ERLIN1: variants seen among roughly 807,000 people sequenced by gnomAD.
ERLIN1 encodes the protein erlin-1.
In ERLIN1, 24 loss-of-function variants were observed where a neutral mutation model predicts 46.9. The ratio of observed to expected loss-of-function variants is 0.51; its 90% CI spans 0.37 to 0.72. The LOEUF (loss-of-function observed/expected upper bound fraction) is 0.72. Ranked by LOEUF, ERLIN1 falls within the 30% of genes least tolerant of loss-of-function variation. ERLIN1 has a pLI of 0.00. For synonymous variants in ERLIN1, 158 were observed against 143.2 expected, an observed-to-expected ratio of 1.10 and a Z score of -0.74; for missense variants, 293 against 417.9, an observed-to-expected ratio of 0.70 and a Z score of 2.61.
intron 9 of ERLIN1, among the ~76,000 whole-genome samples, chr10:100,155,310 T>C (rs1843014877): frequency 6.6e-6 from 1 of 151,682 alleles, no homozygotes; most frequent in South Asian, 2.1e-4. Flanking sequence ...CCAAATTTCA[T>C]CCAGAATCAG....
At position 100,151,590 on chromosome 10, in the gene ERLIN1, G is replaced by C. The variant is rs77043399; in HGVS notation, c.*541C>G. On this transcript the variant is annotated 3_prime_UTR_variant, in exon 11 of 11. Transcript: ENST00000421367. Reference sequence around the variant, plus strand: ...AAGGTGCAAATCGTATCAAGTAAAAGGTTGCTCAAGTGGAAGATCATTTCC... The same window carrying C: ...AAGGTGCAAATCGTATCAAGTAAAACGTTGCTCAAGTGGAAGATCATTTCC... The C allele has an allele frequency of 2.1e-3, 396 of 184,672 alleles. 2 individuals carry two copies. The highest frequency in any genetic ancestry group is 8.5e-3 in the African/African-American group (359 of 42,230). 11.4% of individuals were successfully genotyped at this position (184,672 alleles called of 1,614,324 possible).
intron 8 of ERLIN1, 108 bp downstream of exon 8, chr10:100,163,896 T>C: frequency 4.4e-6 from 3 of 685,370 alleles, no homozygotes; most frequent in South Asian, 3.7e-5. Context: ...AATTCCCCAC[T>C]ACCTATGATG....
rs745419107 is a variant in ERLIN1, at chr10:100,152,297, T to C, written c.881A>G (p.Asn294Ser). 27 of 1,613,696 alleles carry C rather than the reference T, an allele frequency of 1.7e-5. No homozygotes were observed. Among genetic ancestry groups the C allele is most frequent in the Non-Finnish European group, 2.1e-5 (25 of 1,179,584 alleles). Residue 294 changes from asparagine (N) to serine (S), a missense_variant, in exon 11 of 11, where the codon AAC (asparagine) becomes AGC (serine). Around this residue, in one of 3 missense-constraint regions of ERLIN1, gnomAD observed 69 missense variants for 74.5 expected, o/e 0.93. Transcript: ENST00000421367. ...GTTGCTGCCAAAATAGATCTTACTG[T>C]TAGAAGCAATGGCCTGGTACTTTTT... ...ELKKYQAIAS[N>S]SKIYFGSNIP...
intron 7 of ERLIN1, among the ~76,000 whole-genome samples, chr10:100,166,595 C>T (rs1843656633): frequency 6.6e-6 from 1 of 152,162 alleles, no homozygotes; most frequent in South Asian, 2.1e-4. Context: ...GCTCCTTGGA[C>T]TTCCAGTATT....
chr10:100,178,755 TACA>T (rs1183906799), intron 3 of ERLIN1, among the ~76,000 whole-genome samples: 1 of 152,216 alleles, frequency 6.6e-6, no homozygotes, highest in Non-Finnish European at 1.5e-5. Context: ...TTCTAATCCT[TACA>T]ACAACTCTGC....
intron 10 of ERLIN1, among the ~76,000 whole-genome samples, chr10:100,154,087 T>G (rs1025608383): frequency 6.6e-6 from 1 of 152,204 alleles, no homozygotes; most frequent in African/African-American, 2.4e-5. Context: ...CAACCCTTTA[T>G]CTGTTCCAAT....
Position 100,175,970 on chromosome 10 carries a change from A to G in ERLIN1, c.405T>C (p.Leu135=), listed in dbSNP as rs768325586. 1.2e-6 allele frequency: 2 copies of G among 1,613,366 alleles called. No individual in the cohort carries two copies. Among genetic ancestry groups the G allele is most frequent in the South Asian group, 2.2e-5 (2 of 91,012 alleles). Residue 135 remains leucine (L), a synonymous_variant, in exon 5 of 11, where the codon CTT becomes CTC. Transcript: ENST00000421367. ...ELNQFCSAHT[L]QEVYIELFDQ... ...CAAACAATTCAATGTAAACTTCCTG[A>G]AGTGTGTGGGCACTGCAGAACTGGT...
At chr10:100,165,545 C>T (rs907343305) in intron 7 of ERLIN1, among the ~76,000 whole-genome samples, 1 of 151,486 alleles carries the variant, frequency 6.6e-6, no homozygotes, top group Non-Finnish European at 1.5e-5. Flanking sequence ...CACCACCATG[C>T]CTGGCTAATT....
Position 100,183,763 on chromosome 10 carries a change from G to T in ERLIN1, c.188C>A (p.Ser63Tyr). 1.2e-6 allele frequency: 2 copies of T among 1,611,586 alleles called. No individual in the cohort carries two copies. The highest frequency in any genetic ancestry group is 1.7e-6 in the Non-Finnish European group (2 of 1,177,832). ...CCCCTAGGAATCACTCACCTGCACAGATCTGAACGTAGTAATGAAAGGCAA... is the reference window on the plus strand; with the variant it reads ...CCCCTAGGAATCACTCACCTGCACATATCTGAACGTAGTAATGAAAGGCAA... ...IMLPFITTFR[S>Y]VQTTLQTDEV... Residue 63 changes from serine (S) to tyrosine (Y), a missense_variant, in exon 2 of 11, where the codon TCT becomes TAT. By Grantham distance (144) the Ser-to-Tyr change is moderately radical. Transcript: ENST00000421367.
chr10:100,152,393 T>G, intron 10 of ERLIN1, 41 bp from the exon 11 acceptor site: 1 of 1,116,720 alleles, frequency 9.0e-7, no homozygotes, highest in Non-Finnish European at 1.4e-6. Flanking sequence ...CAGAATACTC[T>G]GGTGCAACAG....
chr10:100,174,336 G>T (rs2134158897), intron 5 of ERLIN1, 55 bp from the exon 6 acceptor site: 3 of 1,268,986 alleles, frequency 2.4e-6, no homozygotes, highest in Non-Finnish European at 3.4e-6. Flanking sequence ...TTTTTACATT[G>T]TATTCATAAT....
Position 100,150,762 on chromosome 10 carries a change from C to G in ERLIN1, c.*1369G>C, listed in dbSNP as rs1842762906. 6.6e-6 allele frequency: 1 copy of G among 152,474 alleles called. No individual in the cohort carries two copies. The highest frequency in any genetic ancestry group is 1.5e-5 in the Non-Finnish European group (1 of 68,048). 9.4% of individuals were successfully genotyped at this position (152,474 alleles called of 1,614,324 possible). A position where few individuals can be genotyped will look rare whatever the true frequency, so the allele number is the denominator to read the frequency against. On this transcript the variant is annotated 3_prime_UTR_variant, in exon 11 of 11. Transcript: ENST00000421367. ...ATAGCGTACACAAGAGTTGTCTTAA[C>G]AAGCTGCACAAACTCAGGCCGAACT...
At chr10:100,181,673 C>T (rs1326351894) in intron 2 of ERLIN1, among the ~76,000 whole-genome samples, 2 of 152,070 alleles carry the variant, frequency 1.3e-5, no homozygotes, top group African/African-American at 4.8e-5. Context: ...CACAACCACG[C>T]CCAGCTAATT....
chr10:100,178,206 GAA>G lies in ERLIN1; in HGVS notation c.243-14_243-13del, dbSNP rs1447040274. 1 of 1,548,832 alleles carries G rather than the reference GAA, an allele frequency of 6.5e-7. No individual in the cohort carries two copies. Among genetic ancestry groups the G allele is most frequent in the Non-Finnish European group, 8.8e-7 (1 of 1,141,954 alleles). On this transcript the variant is annotated splice_polypyrimidine_tract_variant and intron_variant, in intron 3 of 10. Coordinates refer to ENST00000421367, the MANE Select transcript of ERLIN1 (RefSeq NM_006459.4). ...TCATGACCCCACCACTAAAAACAAA[GAA>G]AAAAAGTGTGAACTACTAAAGGCAA... is the stretch of plus-strand genomic sequence containing the variant.
At chr10:100,165,294 T>C (rs191751813) in intron 7 of ERLIN1, among the ~76,000 whole-genome samples, 9 of 152,258 alleles carry the variant, frequency 5.9e-5, no homozygotes, top group East Asian at 1.9e-4. Context: ...TCTGATAACA[T>C]TGATAAAGAC....
intron 6 of ERLIN1, among the ~76,000 whole-genome samples, chr10:100,173,551 C>G (rs1844124083): frequency 6.6e-6 from 1 of 151,986 alleles, no homozygotes; most frequent in Admixed American, 6.6e-5. Flanking sequence ...ACACAGTGAC[C>G]CAAAAAAAAG....
intron 7 of ERLIN1, among the ~76,000 whole-genome samples, chr10:100,165,402 T>C (rs1843574366): frequency 6.6e-6 from 1 of 151,134 alleles, no homozygotes; most frequent in Admixed American, 6.6e-5. Flanking sequence ...TTTTTTTTTT[T>C]TTGAGATGGA....
In ERLIN1 at chr10:100,185,898, A is replaced by G; in HGVS notation, c.-272T>C. 1 of 482,992 alleles carries G rather than the reference A, an allele frequency of 2.1e-6. No homozygotes were observed. Among genetic ancestry groups the G allele is most frequent in the Admixed American group, 3.9e-5 (1 of 25,910 alleles). The allele number at this position is 482,992 out of a possible 1,614,324, so 29.9% of individuals were successfully genotyped here. A position where few individuals can be genotyped will look rare whatever the true frequency, so the allele number is the denominator to read the frequency against. On this transcript the variant is annotated 5_prime_UTR_variant, in exon 1 of 11. Coordinates refer to ENST00000421367, the MANE Select transcript of ERLIN1 (RefSeq NM_006459.4). ...CAAGGGTCGCTCCCGGGTGGAAGGC[A>G]CTAACTGAGAAGAAGCCCAGCCGCA...
chr10:100,154,775 T>A (rs1842985771), intron 10 of ERLIN1, 85 bp downstream of exon 10: 1 of 1,036,538 alleles, frequency 9.6e-7, no homozygotes, highest in African/African-American at 1.6e-5. Flanking sequence ...ATGGATAAAA[T>A]CACTTCTATC....
Sources: gnomAD v4.1 joint callset for allele counts (sites outside exome capture counted in the v4.1 genomes callset) on GRCh38, gnomAD v4.1.1 for gene constraint, gnomAD v4.1.1 regional missense constraint, MANE v1.5 for transcripts, NCBI Gene and HGNC (gene_info 2026-07-23, HGNC 2026-07-21) for gene names.